Variants in NHLRC3 observed in about 807,000 individuals in gnomAD.
NHLRC3 encodes NHL repeat-containing protein 3.
A neutral mutation model predicts 32.0 loss-of-function variants in NHLRC3; 23 were observed. The ratio of observed to expected loss-of-function variants is 0.72; its 90% confidence interval spans 0.52 to 1.02. The LOEUF (loss-of-function observed/expected upper bound fraction) is 1.02. Ranked by LOEUF, NHLRC3 falls within the 50% of genes least tolerant of loss-of-function variation. The probability of loss-of-function intolerance (pLI) is 0.00; values close to 1 mark genes in which losing one functional copy is unlikely to be tolerated. For synonymous variants in NHLRC3, 159 were observed against 147.9 expected (o/e 1.08, Z -0.55); for missense variants, 407 against 406.8 (o/e 1.00, Z -0.01).
chr13:39,040,367 T>C (rs1334198294), intron 3 of NHLRC3: 2 of 152,214 alleles, frequency 1.3e-5, no homozygotes, highest in African/African-American at 4.8e-5. Context: ...TCCTTGACTC[T>C]TATTTTCCTT....
At chr13:39,043,220 A>T (rs1871528838) in intron 4 of NHLRC3, among the ~76,000 whole-genome samples, 1 of 150,344 alleles carries the variant, frequency 6.7e-6, no homozygotes, top group Non-Finnish European at 1.5e-5. Flanking sequence ...AATCCAAAAA[A>T]TTGAATGAAA....
At chr13:39,046,070 T>C (rs979805877) in intron 5 of NHLRC3, among the ~76,000 whole-genome samples, 6 of 152,072 alleles carry the variant, frequency 3.9e-5, no homozygotes, top group Non-Finnish European at 8.8e-5. Context: ...TGGCTCACGC[T>C]TGTAATCCCA....
chr13:39,046,710 G>T (rs1045869371), intron 5 of NHLRC3, among the ~76,000 whole-genome samples: 10 of 152,200 alleles, frequency 6.6e-5, no homozygotes, highest in African/African-American at 1.9e-4. Flanking sequence ...ATGAATGAAT[G>T]TTGTCAGTTT....
chr13:39,047,606 A>T, intron 6 of NHLRC3, 68 bp from the exon 7 acceptor site: 1 of 1,366,866 alleles, frequency 7.3e-7, no homozygotes, highest in Non-Finnish European at 1.0e-6. Flanking sequence ...AGGGGATTAA[A>T]ATGTTGAAAA....
At position 39,039,821 on chromosome 13, in the gene NHLRC3, T is replaced by C. The variant is rs1209062180; in HGVS notation, c.385+110T>C. The C allele has an allele frequency of 1.3e-5, 10 of 743,302 alleles. No homozygotes were observed. In the Admixed American group the frequency reaches 1.4e-4, roughly 10 times the overall value. The allele number at this position is 743,302 out of a possible 1,614,324, so 46.0% of individuals were successfully genotyped here. On this transcript the variant is annotated intron_variant, in intron 3 of 6. Transcript: ENST00000379600. Reference sequence around the variant, plus strand: ...TTGCTGAATCTAATTGTAATTTCTTTAACGATTCATGAAATCACATGTTTT... The same window carrying C: ...TTGCTGAATCTAATTGTAATTTCTTCAACGATTCATGAAATCACATGTTTT...
In NHLRC3 at chr13:39,047,672, A is replaced by G; in HGVS notation, c.792-2A>G. ...TATTATGTTAAATGTCTTTCTCCTT[A>G]GGTTTACTCCTGATGGGAAGTACTT... On this transcript the variant is annotated splice_acceptor_variant, in intron 6 of 6. Coordinates refer to ENST00000379600, the MANE Select transcript of NHLRC3 (RefSeq NM_001012754.4). LOFTEE classifies it high-confidence loss of function. 1 of 1,608,872 alleles carries G rather than the reference A, an allele frequency of 6.2e-7. No individual in the cohort carries two copies. Among genetic ancestry groups the G allele is most frequent in the South Asian group, 1.1e-5 (1 of 90,594 alleles).
chr13:39,039,387 A>T (rs1264608582), intron 2 of NHLRC3, 99 bp downstream of exon 2: 7 of 1,116,412 alleles, frequency 6.3e-6, no homozygotes, highest in Non-Finnish European at 9.1e-6. Context: ...TATCATGCTA[A>T]TTGTGCAATT....
At chr13:39,041,903 T>A in intron 3 of NHLRC3, 2 of 523,118 alleles carry the variant, frequency 3.8e-6, no homozygotes, top group Non-Finnish European at 6.7e-6. Context: ...TATTTTGGAC[T>A]AATGGAGATT....
At chr13:39,044,229 TTG>T (rs370553701) in intron 5 of NHLRC3, 48 bp downstream of exon 5, 78,466 of 818,106 alleles carry the variant, frequency 0.096, 22 homozygotes, top group East Asian at 0.12. Flanking sequence ...CTGAATATGT[TTG>T]TGTGTGTGTG....
intron 6 of NHLRC3, 69 bp from the exon 7 acceptor site, chr13:39,047,605 A>G: frequency 7.3e-7 from 1 of 1,360,904 alleles, no homozygotes; most frequent in Non-Finnish European, 1.0e-6. Flanking sequence ...TAGGGGATTA[A>G]AATGTTGAAA....
chr13:39,041,964 G>A (rs1871480572), intron 3 of NHLRC3, 141 bp from the exon 4 acceptor site: 1 of 587,518 alleles, frequency 1.7e-6, no homozygotes, highest in African/African-American at 1.9e-5. Flanking sequence ...TATAGTGCTT[G>A]TCAATTATAT....
chr13:39,046,778 C>A lies in NHLRC3; in HGVS notation c.679-262C>A, dbSNP rs373541230. ...AGTACTCCAGCTTTTTAGTTATTCACACATTTAGAACAGTAGACAGAGTAT... is the reference window on the plus strand; with the variant it reads ...AGTACTCCAGCTTTTTAGTTATTCAAACATTTAGAACAGTAGACAGAGTAT... On this transcript the variant is annotated intron_variant, in intron 5 of 6. Coordinates refer to ENST00000379600, the MANE Select transcript of NHLRC3 (RefSeq NM_001012754.4). Among the ~76,000 whole-genome samples, 8 of 152,316 alleles carry A rather than the reference C, an allele frequency of 5.3e-5. No homozygotes were observed. The East Asian group carries it at 9.6e-4, about 18-fold the overall frequency.
rs747206772 is a variant in NHLRC3 at position 39,047,110 on chromosome 13, C to A, written c.749C>A (p.Ala250Glu). The change falls in exon 6 of 7, where the codon GCA becomes GAA. Residue 250 changes from alanine (A) to glutamate (E), a missense_variant. Ala to Glu is a moderately radical substitution (Grantham distance 107). Transcript: ENST00000379600. ...AAAGACACTGGGGAGTGGTTAGGAG[C>A]ATGGAATAATTGTTTCACAGAAGAG... ...FDKDTGEWLG[A>E]WNNCFTEEGP... is the part of the protein sequence containing the mutation. 1 of 1,611,408 alleles carries A rather than the reference C, an allele frequency of 6.2e-7. No individual in the cohort carries two copies. The highest frequency in any genetic ancestry group is 8.5e-7 in the Non-Finnish European group (1 of 1,178,608).
chr13:39,049,948 G>A lies in NHLRC3; in HGVS notation c.*2022G>A, dbSNP rs1035280496. On this transcript the variant is annotated 3_prime_UTR_variant, in exon 7 of 7. Coordinates refer to ENST00000379600, the MANE Select transcript of NHLRC3 (RefSeq NM_001012754.4). ...TGTCTTTGTAAAAGTGTTTGTTAGT[G>A]TACCTGTGATTATAGTACTTCACTT... The A allele has an allele frequency of 2.0e-5, 3 of 152,156 alleles. No homozygotes were observed. Among genetic ancestry groups the A allele is most frequent in the Non-Finnish European group, 2.9e-5 (2 of 68,026 alleles). 9.4% of individuals were successfully genotyped at this position (152,156 alleles called of 1,614,324 possible).
chr13:39,039,941 C>T (rs1217056564), intron 3 of NHLRC3: 4 of 250,444 alleles, frequency 1.6e-5, no homozygotes, highest in Admixed American at 5.0e-5. Context: ...TTTGGGAGGC[C>T]GAGGCGGGCG....
rs566790371 is a variant in NHLRC3, at chr13:39,039,306, T to TA, written c.237+25dup. ...TAGGTCAAGTAAGTAAATAGAGATT[T>TA]AAAAAAATTATGAACACAAAGGAAG... On this transcript the variant is annotated intron_variant, in intron 2 of 6. Coordinates refer to ENST00000379600, the MANE Select transcript of NHLRC3 (RefSeq NM_001012754.4). The TA allele has an allele frequency of 1.6e-4, 252 of 1,593,476 alleles. No homozygotes were observed. The African/African-American group carries it at 3.2e-3, about 20-fold the overall frequency.
intron 4 of NHLRC3, among the ~76,000 whole-genome samples, chr13:39,043,490 CCTT>C (rs1477814405): frequency 6.6e-6 from 1 of 152,054 alleles, no homozygotes; most frequent in East Asian, 1.9e-4. Flanking sequence ...CATGGCGGCC[CCTT>C]CTTCTCTGTG....
chr13:39,038,766 G>T, intron 1 of NHLRC3, 43 bp downstream of exon 1: 1 of 1,525,548 alleles, frequency 6.6e-7, no homozygotes, highest in Non-Finnish European at 9.1e-7. Context: ...TGTGCGGGTA[G>T]CCCTGTTGGG....
intron 3 of NHLRC3, 89 bp from the exon 4 acceptor site, chr13:39,042,016 C>G (rs1871482146): frequency 2.9e-6 from 2 of 697,512 alleles, no homozygotes; most frequent in Admixed American, 5.0e-5. Context: ...TTATTTACTT[C>G]TATCAAATTT....
Sources: allele counts gnomAD v4.1 joint callset (sites outside exome capture counted in the v4.1 genomes callset), GRCh38; gene constraint gnomAD v4.1.1; transcripts MANE v1.5; gene names NCBI Gene and HGNC (gene_info 2026-07-23, HGNC 2026-07-21).